The following HDAC8 variants were observed in gnomAD, a reference collection of about 807,000 sequenced individuals.
HDAC8 encodes histone deacetylase 8, also known as histone deacetylase-like 1.
Under a neutral mutation model 32.2 loss-of-function variants are expected in HDAC8, and 1 was observed. That is an observed-to-expected ratio of 0.03 (90% CI 0.01 to 0.15). HDAC8 has a LOEUF of 0.15. Ranked by LOEUF, HDAC8 falls within the 10% of genes least tolerant of loss-of-function variation. The pLI, the probability that HDAC8 is intolerant of heterozygous loss-of-function variation, is 1.00. For missense variants in HDAC8, 117 were observed against 300.0 expected (o/e 0.39, Z 4.51); for synonymous variants, 108 against 113.9 (o/e 0.95, Z 0.33).
At chrX:72,554,208 G>C (rs1556084629) in intron 4 of HDAC8, among the ~76,000 whole-genome samples, 1 of 111,141 alleles carries the variant, frequency 9.0e-6, no homozygotes, top group Non-Finnish European at 1.9e-5. Flanking sequence ...GTGGCTAGGA[G>C]GCAGGACTAG....
chrX:72,433,487 C>G (rs1343843572), intron 9 of HDAC8, among the ~76,000 whole-genome samples: 1 of 112,090 alleles, frequency 8.9e-6, no homozygotes, highest in African/African-American at 3.2e-5. Flanking sequence ...TTAATAAGCT[C>G]TCTTGTTTTC....
At chrX:72,555,979 A>T (rs1415775114) in intron 4 of HDAC8, among the ~76,000 whole-genome samples, 2 of 112,304 alleles carry the variant, frequency 1.8e-5, no homozygotes, top group Non-Finnish European at 1.9e-5. Context: ...AAGACGACGG[A>T]AAGAATCTTA....
rs1603225699 is a variant in HDAC8, at chrX:72,552,428, T to G, written c.437+15461A>C. On this transcript the variant is annotated intron_variant, in intron 4 of 10. Coordinates refer to ENST00000373573, the MANE Select transcript of HDAC8 (RefSeq NM_018486.3). ...GAGTTCGAGACCAGCCTGGCCAACATGGCAAAACCCCATCTCTACTAAAAG... is the reference window on the plus strand; with the variant it reads ...GAGTTCGAGACCAGCCTGGCCAACAGGGCAAAACCCCATCTCTACTAAAAG... 3.6e-5 allele frequency among the ~76,000 whole-genome samples: 4 copies of G among 111,493 alleles called. No individual in the cohort carries two copies. In the South Asian group the frequency reaches 1.5e-3, roughly 42 times the overall value.
intron 9 of HDAC8, among the ~76,000 whole-genome samples, chrX:72,371,333 A>G (rs2044869905): frequency 9.0e-6 from 1 of 111,148 alleles, no homozygotes; most frequent in Admixed American, 9.7e-5. Context: ...AAAGTAATAT[A>G]CCCTAGATTA....
At chrX:72,418,974 A>G (rs2046417110) in intron 9 of HDAC8, among the ~76,000 whole-genome samples, 1 of 110,480 alleles carries the variant, frequency 9.1e-6, no homozygotes, top group South Asian at 3.8e-4. Context: ...AGGATTTACG[A>G]CTCTATTCCA....
intron 9 of HDAC8, among the ~76,000 whole-genome samples, chrX:72,386,615 T>C (rs782753200): frequency 8.9e-6 from 1 of 111,845 alleles, no homozygotes; most frequent in African/African-American, 3.2e-5. Context: ...AAGCATTTCA[T>C]GTGGATCAAT....
chrX:72,447,367 G>C (rs1314770795), intron 9 of HDAC8, among the ~76,000 whole-genome samples: 2 of 111,766 alleles, frequency 1.8e-5, no homozygotes, highest in Non-Finnish European at 3.8e-5. Context: ...TGCAGAAAAG[G>C]CCTCTGATAA....
chrX:72,451,614 C>G (rs782500027), intron 9 of HDAC8, among the ~76,000 whole-genome samples: 44 of 111,982 alleles, frequency 3.9e-4, no homozygotes, highest in Non-Finnish European at 6.4e-4. Context: ...ACAACAGAAG[C>G]CAGAAGAAAA....
chrX:72,413,524 C>A (rs2046257380), intron 9 of HDAC8, among the ~76,000 whole-genome samples: 1 of 110,751 alleles, frequency 9.0e-6, no homozygotes, highest in South Asian at 3.9e-4. Context: ...CTTTGTCTTG[C>A]CAAATATATT....
chrX:72,438,051 A>T (rs1418264463), intron 9 of HDAC8, among the ~76,000 whole-genome samples: 1 of 112,222 alleles, frequency 8.9e-6, no homozygotes, highest in Non-Finnish European at 1.9e-5. Context: ...TGAATGGAAG[A>T]TACCTCCCAG....
intron 6 of HDAC8, 131 bp downstream of exon 6, chrX:72,490,797 CA>C (rs1216640196): frequency 0.019 from 6,606 of 340,658 alleles, no homozygotes; most frequent in Non-Finnish European, 0.022. Context: ...AATGAAAATG[CA>C]AAAAAAAAAA....
intron 9 of HDAC8, among the ~76,000 whole-genome samples, chrX:72,452,742 C>A (rs782032080): frequency 4.4e-4 from 49 of 111,587 alleles, no homozygotes; most frequent in Non-Finnish European, 8.5e-4. Flanking sequence ...TATTTAAAAT[C>A]CAGAATTCAA....
At chrX:72,407,787 G>A (rs1388299786) in intron 9 of HDAC8, among the ~76,000 whole-genome samples, 4 of 112,306 alleles carry the variant, frequency 3.6e-5, no homozygotes, top group African/African-American at 9.7e-5. Context: ...CTTGAGCTAC[G>A]AAGTTTGTGG....
At chrX:72,384,727 A>T (rs181771663) in intron 9 of HDAC8, among the ~76,000 whole-genome samples, 3 of 112,725 alleles carry the variant, frequency 2.7e-5, no homozygotes, top group Admixed American at 1.9e-4. Context: ...TAAAAATTCC[A>T]AAGGCAGAAA....
At chrX:72,508,043 T>C (rs919381107) in intron 4 of HDAC8, among the ~76,000 whole-genome samples, 7 of 112,274 alleles carry the variant, frequency 6.2e-5, no homozygotes, top group African/African-American at 2.3e-4. Flanking sequence ...ACCAGATACC[T>C]GCTCTGTTCA....
At position 72,451,703 on chromosome X, in the gene HDAC8, C is replaced by T. The variant is rs1223285030; in HGVS notation, c.1005+10301G>A. Reference sequence around the variant, plus strand: ...AGGCAGAGAAAATGAAGGCAGATAACTAAAGGACTTCGGCTTCTGGCCATG... The same window carrying T: ...AGGCAGAGAAAATGAAGGCAGATAATTAAAGGACTTCGGCTTCTGGCCATG... On this transcript the variant is annotated intron_variant, in intron 9 of 10. Coordinates refer to ENST00000373573, the MANE Select transcript of HDAC8 (RefSeq NM_018486.3). Among the ~76,000 whole-genome samples, 12 of 113,093 alleles carry T rather than the reference C, an allele frequency of 1.1e-4. No individual in the cohort carries two copies. The East Asian group carries it at 3.3e-3, about 31-fold the overall frequency.
intron 4 of HDAC8, among the ~76,000 whole-genome samples, chrX:72,541,120 G>C (rs782092622): frequency 9.1e-6 from 1 of 110,344 alleles, no homozygotes; most frequent in Non-Finnish European, 1.9e-5. Context: ...CAATGGTATG[G>C]AGAACAGTAA....
At chrX:72,350,271 C>A (rs1321571362) in intron 10 of HDAC8, among the ~76,000 whole-genome samples, 5 of 111,585 alleles carry the variant, frequency 4.5e-5, no homozygotes, top group African/African-American at 1.6e-4. Context: ...GGACAATCAG[C>A]AATGCTGTGA....
At chrX:72,378,040 ATT>A (rs1195046912) in intron 9 of HDAC8, among the ~76,000 whole-genome samples, 1 of 104,752 alleles carries the variant, frequency 9.5e-6, no homozygotes. Context: ...GTATATGTAT[ATT>A]TTTTTTTTTA....
Sources: gnomAD v4.1 joint callset for allele counts (sites outside exome capture counted in the v4.1 genomes callset) on GRCh38, gnomAD v4.1.1 for gene constraint, MANE v1.5 for transcripts, NCBI Gene and HGNC (gene_info 2026-07-23, HGNC 2026-07-21) for gene names.